ZNF516: variants seen among roughly 807,000 people sequenced by gnomAD.
ZNF516 encodes zinc finger protein 516.
A neutral mutation model predicts 79.7 loss-of-function variants in ZNF516; 19 were observed. The ratio of observed to expected loss-of-function variants is 0.24; its 90% CI spans 0.17 to 0.35. ZNF516 has a LOEUF of 0.35. Among genes scored for constraint, ZNF516 ranks in the 10% least tolerant of loss-of-function variants. The pLI, the probability that ZNF516 is intolerant of heterozygous loss-of-function variation, is 1.00. For missense variants in ZNF516, 1,678 were observed against 1,679.5 expected, an observed-to-expected ratio of 1.00 and a Z score of 0.02; for synonymous variants, 877 against 739.5, an observed-to-expected ratio of 1.19 and a Z score of -3.02.
At chr18:76,400,916 T>C (rs1014123882) in intron 3 of ZNF516, among the ~76,000 whole-genome samples, 2 of 152,338 alleles carry the variant, frequency 1.3e-5, no homozygotes, top group South Asian at 4.1e-4. Context: ...AATCACACTG[T>C]AAGTTGTAAC....
chr18:76,491,470 G>A (rs1915205071), intron 1 of ZNF516, among the ~76,000 whole-genome samples: 1 of 138,308 alleles, frequency 7.2e-6, no homozygotes, highest in African/African-American at 2.6e-5. Flanking sequence ...ATGGTGCGAA[G>A]TTGGGCTGTG....
At chr18:76,485,772 T>C (rs1277371204) in intron 1 of ZNF516, among the ~76,000 whole-genome samples, 7 of 151,548 alleles carry the variant, frequency 4.6e-5, no homozygotes, top group Admixed American at 4.6e-4. Flanking sequence ...AGTGAAAACA[T>C]CTCAGTTCTG....
In ZNF516 at chr18:76,360,642, A is replaced by ATATATAT. The variant is rs1269370085; in HGVS notation, c.*1855_*1856insATATATA. The ATATATAT allele has an allele frequency of 3.7e-5, 4 of 107,054 alleles. No individual in the cohort carries two copies. Among genetic ancestry groups the ATATATAT allele is most frequent in the Non-Finnish European group, 6.0e-5 (3 of 50,136 alleles). The allele number at this position is 107,054 out of a possible 1,614,324, so 6.6% of individuals were successfully genotyped here. A position where few individuals can be genotyped will look rare whatever the true frequency, so the allele number is the denominator to read the frequency against. ...TCAGAAAAAAATAAGTAAAAAAAAA[A>ATATATAT]AAAAATATATATATATATATATATA... On this transcript the variant is annotated 3_prime_UTR_variant, in exon 7 of 7. Coordinates refer to ENST00000443185, the MANE Select transcript of ZNF516 (RefSeq NM_014643.4).
intron 3 of ZNF516, among the ~76,000 whole-genome samples, chr18:76,426,870 G>C (rs1412248755): frequency 6.6e-6 from 1 of 152,200 alleles, no homozygotes; most frequent in Non-Finnish European, 1.5e-5. Context: ...ATCAGTACAG[G>C]ACAGGGCCTC....
At chr18:76,424,294 C>T (rs1283053715) in intron 3 of ZNF516, among the ~76,000 whole-genome samples, 39 of 19,530 alleles carry the variant, frequency 2.0e-3, no homozygotes, top group African/African-American at 7.9e-3. Context: ...AAGGCTCCCC[C>T]GAAACACATG....
chr18:76,486,414 G>A (rs1914836320), intron 1 of ZNF516, among the ~76,000 whole-genome samples: 1 of 152,168 alleles, frequency 6.6e-6, no homozygotes, highest in African/African-American at 2.4e-5. Context: ...TTTCACATGG[G>A]AAGAGTGGGG....
At position 76,360,646 on chromosome 18, in the gene ZNF516, A is replaced by AAAAAAATATATAT. The variant is rs373540251; in HGVS notation, c.*1851_*1852insATATATATTTTTT. 1.4e-4 allele frequency: 10 copies of AAAAAAATATATAT among 72,462 alleles called. No homozygotes were observed. Among genetic ancestry groups the AAAAAAATATATAT allele is most frequent in the African/African-American group, 5.5e-4 (9 of 16,374 alleles). The allele number at this position is 72,462 out of a possible 1,614,324, so 4.5% of individuals were successfully genotyped here. ...AAAAAAATAAGTAAAAAAAAAAAAA[A>AAAAAAATATATAT]ATATATATATATATATATATATATA... is the stretch of plus-strand genomic sequence containing the variant. On this transcript the variant is annotated 3_prime_UTR_variant, in exon 7 of 7. Coordinates refer to ENST00000443185, the MANE Select transcript of ZNF516 (RefSeq NM_014643.4).
At chr18:76,430,814 A>G (rs999272020) in intron 3 of ZNF516, among the ~76,000 whole-genome samples, 1 of 152,378 alleles carries the variant, frequency 6.6e-6, no homozygotes, top group South Asian at 2.1e-4. Context: ...ATACAGGAAC[A>G]TATTTGGCAG....
intron 2 of ZNF516, among the ~76,000 whole-genome samples, chr18:76,446,693 G>A (rs1340360119): frequency 6.6e-6 from 1 of 152,178 alleles, no homozygotes; most frequent in Non-Finnish European, 1.5e-5. Flanking sequence ...GCAATTTACA[G>A]GCAGACGTTC....
At chr18:76,396,376 C>T (rs1301546837) in intron 3 of ZNF516, among the ~76,000 whole-genome samples, 1 of 152,140 alleles carries the variant, frequency 6.6e-6, no homozygotes, top group Non-Finnish European at 1.5e-5. Flanking sequence ...GGTGAAAATG[C>T]CCAGTGCCAG....
At chr18:76,420,863 C>T (rs1019633379) in intron 3 of ZNF516, among the ~76,000 whole-genome samples, 1 of 152,136 alleles carries the variant, frequency 6.6e-6, no homozygotes, top group Admixed American at 6.5e-5. Flanking sequence ...GTACTTCATC[C>T]ACAATATCAA....
intron 1 of ZNF516, among the ~76,000 whole-genome samples, chr18:76,480,132 T>C (rs1051707026): frequency 9.9e-6 from 1 of 100,840 alleles, no homozygotes; most frequent in Non-Finnish European, 1.9e-5. Flanking sequence ...GAAGGTAAAA[T>C]GCACATGGGG....
chr18:76,407,977 T>G (rs953776609), intron 3 of ZNF516, among the ~76,000 whole-genome samples: 1 of 152,238 alleles, frequency 6.6e-6, no homozygotes, highest in Non-Finnish European at 1.5e-5. Flanking sequence ...TGATGCCAAC[T>G]GCACCCTCTT....
At chr18:76,457,094 C>A (rs972144215) in intron 2 of ZNF516, among the ~76,000 whole-genome samples, 1 of 152,190 alleles carries the variant, frequency 6.6e-6, no homozygotes, top group African/African-American at 2.4e-5. Flanking sequence ...TAAGACAACA[C>A]GCAGTGAACA....
intron 2 of ZNF516, among the ~76,000 whole-genome samples, chr18:76,461,272 A>G (rs1321131400): frequency 6.6e-6 from 1 of 152,202 alleles, no homozygotes; most frequent in Non-Finnish European, 1.5e-5. Flanking sequence ...CTCCGTCATC[A>G]CTGCACACTG....
intron 1 of ZNF516, chr18:76,491,653 C>CA: frequency 1.4e-6 from 1 of 705,380 alleles, no homozygotes; most frequent in Non-Finnish European, 1.7e-6. Context: ...GGCAGCCCAG[C>CA]AACAAGCGGC....
intron 3 of ZNF516, among the ~76,000 whole-genome samples, chr18:76,439,021 C>T (rs1038225155): frequency 3.3e-5 from 5 of 152,154 alleles, no homozygotes; most frequent in African/African-American, 1.2e-4. Flanking sequence ...TTTTTAGTAA[C>T]AGGAAAGGCA....
Position 76,441,260 on chromosome 18 carries a change from G to C in ZNF516, c.1795C>G (p.Pro599Ala). The C allele has an allele frequency of 1.9e-6, 3 of 1,610,034 alleles. No individual in the cohort carries two copies. The South Asian group carries it at 3.3e-5, about 18-fold the overall frequency. ...AAEDSGEEGA[P>A]EPAPGGQPRR... The stretch of plus-strand genomic sequence containing the variant: ...ACTTGCTCACCTGGTGCAGGTTCAG[G>C]GGCGCCCTCCTCACCACTGTCTTCG... Residue 599 changes from proline to alanine, a missense_variant, in exon 3 of 7, where the codon CCT becomes GCT. Physicochemically the swap from Pro to Ala is conservative, Grantham distance 27. Around this residue, in one of 5 missense-constraint regions of ZNF516, gnomAD observed 1,294 missense variants for 1,248.3 expected, o/e 1.04. Coordinates refer to ENST00000443185, the MANE Select transcript of ZNF516 (RefSeq NM_014643.4).
At chr18:76,470,539 G>A (rs929910044) in intron 1 of ZNF516, among the ~76,000 whole-genome samples, 4 of 152,136 alleles carry the variant, frequency 2.6e-5, no homozygotes, top group East Asian at 1.9e-4. Flanking sequence ...AATTCCATAC[G>A]AACCCTCTTC....
Sources: gnomAD v4.1 joint callset for allele counts (sites outside exome capture counted in the v4.1 genomes callset) on GRCh38, gnomAD v4.1.1 for gene constraint, gnomAD v4.1.1 regional missense constraint, MANE v1.5 for transcripts, NCBI Gene and HGNC (gene_info 2026-07-23, HGNC 2026-07-21) for gene names.